The following ATP6V0D2 variants were observed in gnomAD, a reference collection of about 807,000 sequenced individuals.
ATP6V0D2 encodes ATPase H+ transporting V0 subunit d2.
ATP6V0D2 carries 40 observed loss-of-function variants against 40.0 expected under a neutral mutation model. The ratio of observed to expected loss-of-function variants is 1.00; its 90% CI spans 0.78 to 1.30. ATP6V0D2 has a LOEUF of 1.30. Among genes scored for constraint, ATP6V0D2 ranks in the 50% most tolerant of loss-of-function variants. ATP6V0D2 has a pLI of 0.00. For missense variants in ATP6V0D2, 470 were observed against 423.1 expected, an observed-to-expected ratio of 1.11 and a Z score of -0.97; for synonymous variants, 179 against 156.3, an observed-to-expected ratio of 1.15 and a Z score of -1.08.
chr8:86,113,925 C>T (rs373701493), intron 2 of ATP6V0D2, 45 bp downstream of exon 2: 23 of 1,530,654 alleles, frequency 1.5e-5, no homozygotes, highest in East Asian at 2.3e-5. Flanking sequence ...TGTACTCGTG[C>T]GGATGACCCC....
chr8:86,152,906 A>T lies in ATP6V0D2; in HGVS notation c.982A>T (p.Ile328Phe). The T allele has an allele frequency of 5.0e-6, 8 of 1,612,600 alleles. No individual in the cohort carries two copies. The highest frequency in any genetic ancestry group is 6.8e-6 in the Non-Finnish European group (8 of 1,179,418). The change falls in exon 8 of 8, where the codon ATT becomes TTT. Residue 328 changes from isoleucine to phenylalanine, a missense_variant. Ile to Phe is a conservative substitution (Grantham distance 21). Transcript: ENST00000285393. ...GCTGAAGGAACAGGAAATTAGAAATATTGTGTGGATAGCAGAATGTATTTC... is the reference window on the plus strand; with the variant it reads ...GCTGAAGGAACAGGAAATTAGAAATTTTGTGTGGATAGCAGAATGTATTTC... ...VKLKEQEIRN[I>F]VWIAECISQR...
intron 2 of ATP6V0D2, among the ~76,000 whole-genome samples, chr8:86,131,592 C>G (rs1328511808): frequency 6.6e-6 from 1 of 151,974 alleles, no homozygotes; most frequent in Non-Finnish European, 1.5e-5. Context: ...CTTCTGCCTC[C>G]CGGGTTCAAG....
chr8:86,142,375 G>C (rs1200074285), intron 4 of ATP6V0D2, among the ~76,000 whole-genome samples: 1 of 152,170 alleles, frequency 6.6e-6, no homozygotes, highest in Non-Finnish European at 1.5e-5. Context: ...CTGAGGCTTG[G>C]AGAGCCAAGG....
chr8:86,143,054 T>A lies in ATP6V0D2; in HGVS notation c.639+100T>A, dbSNP rs79510352. 22 of 747,506 alleles carry A rather than the reference T, an allele frequency of 2.9e-5. No individual in the cohort carries two copies. The African/African-American group carries it at 3.8e-4, about 13-fold the overall frequency. 46.3% of individuals were successfully genotyped at this position (747,506 alleles called of 1,614,324 possible). A position where few individuals can be genotyped will look rare whatever the true frequency, so the allele number is the denominator to read the frequency against. On this transcript the variant is annotated intron_variant, in intron 5 of 7. Coordinates refer to ENST00000285393, the MANE Select transcript of ATP6V0D2 (RefSeq NM_152565.1). The stretch of plus-strand genomic sequence containing the variant: ...ATTTCCTTATCTTTGAATTTTTTTT[T>A]AATCTAGAAGTAAGACAAGCAGTAC...
chr8:86,150,201 C>T lies in ATP6V0D2; in HGVS notation c.729C>T (p.Thr243=), dbSNP rs747135236. 6.2e-7 allele frequency: 1 copy of T among 1,613,276 alleles called. No individual in the cohort carries two copies. The highest frequency in any genetic ancestry group is 8.5e-7 in the Non-Finnish European group (1 of 1,179,870). Residue 243 remains threonine (T), a synonymous_variant, in exon 6 of 8, where the codon ACC becomes ACT. Transcript: ENST00000285393. ...AAGACCGAGAGACCCTCTATCCAAC[C>T]TTCGGCAAACTCTATCCTGAGGGGT... ...SKEDRETLYP[T]FGKLYPEGLR...
chr8:86,102,572 G>T (rs543958647), intron 1 of ATP6V0D2, among the ~76,000 whole-genome samples: 16 of 152,292 alleles, frequency 1.1e-4, no homozygotes, highest in African/African-American at 3.6e-4. Context: ...AATTGTTTTA[G>T]AACAACTTGC....
At chr8:86,133,356 C>T (rs907697902) in intron 2 of ATP6V0D2, among the ~76,000 whole-genome samples, 5 of 133,824 alleles carry the variant, frequency 3.7e-5, no homozygotes, top group Non-Finnish European at 4.6e-5. Context: ...TGGAGTCTCG[C>T]TCTGTCACCA....
At chr8:86,139,316 C>T in intron 2 of ATP6V0D2, 141 bp from the exon 3 acceptor site, 1 of 591,304 alleles carries the variant, frequency 1.7e-6, no homozygotes, top group Non-Finnish European at 2.8e-6. Flanking sequence ...TCTCCTAAAC[C>T]CCAGTGTTTA....
At chr8:86,122,629 G>C (rs372959933) in intron 2 of ATP6V0D2, among the ~76,000 whole-genome samples, 1 of 152,178 alleles carries the variant, frequency 6.6e-6, no homozygotes, top group African/African-American at 2.4e-5. Context: ...CAGCAAGCAA[G>C]TCCACAAATG....
Position 86,152,813 on chromosome 8 carries a change from C to A in ATP6V0D2, c.892-3C>A. ...ATCTGTGTTACTTTTTTTCTTTCCT[C>A]AGGTACAAATGAATGTGCTGGCATT... On this transcript the variant is annotated splice_region_variant and splice_polypyrimidine_tract_variant and intron_variant, in intron 7 of 7. Transcript: ENST00000285393. 1 of 1,583,446 alleles carries A rather than the reference C, an allele frequency of 6.3e-7. No individual in the cohort carries two copies. Among genetic ancestry groups the A allele is most frequent in the Non-Finnish European group, 8.5e-7 (1 of 1,170,204 alleles).
chr8:86,132,143 A>T (rs1818834007), intron 2 of ATP6V0D2, among the ~76,000 whole-genome samples: 1 of 152,204 alleles, frequency 6.6e-6, no homozygotes, highest in African/African-American at 2.4e-5. Flanking sequence ...GCCCTGAGGT[A>T]TAAAAAGCTT....
At chr8:86,149,521 C>G (rs1441536688) in intron 5 of ATP6V0D2, among the ~76,000 whole-genome samples, 1 of 152,114 alleles carries the variant, frequency 6.6e-6, no homozygotes, top group Non-Finnish European at 1.5e-5. Context: ...TTGCCCTAAC[C>G]CACATAGTTC....
At chr8:86,114,874 G>T (rs937504946) in intron 2 of ATP6V0D2, among the ~76,000 whole-genome samples, 1 of 152,142 alleles carries the variant, frequency 6.6e-6, no homozygotes, top group African/African-American at 2.4e-5. Context: ...TAGATGTAAA[G>T]CACAAAGTTC....
intron 2 of ATP6V0D2, 79 bp from the exon 3 acceptor site, chr8:86,139,378 A>G: frequency 8.2e-7 from 1 of 1,226,356 alleles, no homozygotes; most frequent in Non-Finnish European, 1.1e-6. Flanking sequence ...GTACCTAAAG[A>G]GTGTGTGTTT....
At chr8:86,145,691 G>A (rs571188891) in intron 5 of ATP6V0D2, among the ~76,000 whole-genome samples, 2 of 152,180 alleles carry the variant, frequency 1.3e-5, no homozygotes, top group Admixed American at 6.5e-5. Flanking sequence ...TCAACTACTA[G>A]CCATACTATA....
intron 5 of ATP6V0D2, among the ~76,000 whole-genome samples, chr8:86,145,195 A>AAAGAAAG (rs1563566024): frequency 6.9e-5 from 1 of 14,554 alleles, no homozygotes; most frequent in Non-Finnish European, 1.4e-4. Context: ...AGAAAGAAAG[A>AAAGAAAG]AAAGAAAGAA....
At position 86,142,874 on chromosome 8, in the gene ATP6V0D2, A is replaced by T; in HGVS notation, c.562-3A>T. 1.3e-6 allele frequency: 2 copies of T among 1,577,178 alleles called. No individual in the cohort carries two copies. The highest frequency in any genetic ancestry group is 1.7e-5 in the Admixed American group (1 of 58,786). On this transcript the variant is annotated splice_polypyrimidine_tract_variant and splice_region_variant and intron_variant, in intron 4 of 7. Transcript: ENST00000285393. ...TCACTTTATGATCTTTTTTCTTTTT[A>T]AGTCTTACCTTGAGGCATTCTATAA...
chr8:86,112,655 A>G (rs994623946), intron 1 of ATP6V0D2, among the ~76,000 whole-genome samples: 2 of 151,540 alleles, frequency 1.3e-5, no homozygotes, highest in Admixed American at 6.6e-5. Flanking sequence ...CCAATCTGAA[A>G]AGGGGTGGGG....
chr8:86,107,080 A>T (rs1563555317), intron 1 of ATP6V0D2, among the ~76,000 whole-genome samples: 1 of 152,094 alleles, frequency 6.6e-6, no homozygotes, highest in Admixed American at 6.6e-5. Flanking sequence ...TGTGTAGTTG[A>T]TAGGATGTCA....
Sources: allele counts gnomAD v4.1 joint callset (sites outside exome capture counted in the v4.1 genomes callset), GRCh38; gene constraint gnomAD v4.1.1; transcripts MANE v1.5; gene names NCBI Gene and HGNC (gene_info 2026-07-23, HGNC 2026-07-21).